Variants in BTBD9 observed in about 807,000 individuals in gnomAD.
BTBD9 encodes the protein BTB domain containing 9, also known as BTB/POZ domain-containing protein 9.
A neutral mutation model predicts 64.3 loss-of-function variants in BTBD9; 49 were observed. The ratio of observed to expected loss-of-function variants is 0.76; its 90% CI spans 0.61 to 0.97. BTBD9 has a LOEUF of 0.97. BTBD9 is among the 50% of genes least tolerant of loss of function. BTBD9 has a pLI of 0.00. For synonymous variants in BTBD9, 260 were observed against 274.7 expected (o/e 0.95, Z 0.53); for missense variants, 598 against 762.1 (o/e 0.78, Z 2.53).
At chr6:38,519,318 T>C (rs1773184431) in intron 6 of BTBD9, among the ~76,000 whole-genome samples, 1 of 152,222 alleles carries the variant, frequency 6.6e-6, no homozygotes, top group South Asian at 2.1e-4. Flanking sequence ...GTAAATTTTG[T>C]ATCAAAAGAA....
intron 8 of BTBD9, among the ~76,000 whole-genome samples, chr6:38,260,601 C>T (rs1296533826): frequency 6.6e-6 from 1 of 152,120 alleles, no homozygotes; most frequent in Non-Finnish European, 1.5e-5. Context: ...GGAGTGATAA[C>T]ATATTTGAGG....
intron 6 of BTBD9, among the ~76,000 whole-genome samples, chr6:38,500,722 TTTA>T (rs1359669171): frequency 6.6e-6 from 1 of 152,216 alleles, no homozygotes; most frequent in Non-Finnish European, 1.5e-5. Flanking sequence ...GCATGAATTC[TTTA>T]TGATACCTGG....
intron 7 of BTBD9, among the ~76,000 whole-genome samples, chr6:38,339,727 GC>G (rs758714311): frequency 6.6e-6 from 1 of 152,136 alleles, no homozygotes. Flanking sequence ...TAGCTCTTTT[GC>G]AGGTTTGATT....
At chr6:38,636,505 C>A (rs2127537233) in intron 1 of BTBD9, among the ~76,000 whole-genome samples, 1 of 152,320 alleles carries the variant, frequency 6.6e-6, no homozygotes, top group Middle Eastern at 3.4e-3. Flanking sequence ...CATAAGCAAA[C>A]AGTTGCTCAA....
intron 6 of BTBD9, among the ~76,000 whole-genome samples, chr6:38,457,298 C>T (rs1366906336): frequency 6.6e-6 from 1 of 152,120 alleles, no homozygotes; most frequent in Non-Finnish European, 1.5e-5. Context: ...CTGGCTGCCA[C>T]ATAAATACTT....
chr6:38,390,162 T>C (rs58377541), intron 6 of BTBD9, among the ~76,000 whole-genome samples: 2,191 of 152,274 alleles, frequency 0.014, 57 homozygotes, highest in African/African-American at 0.05. Context: ...GATGTAGAGA[T>C]ACTTCCAAAG....
chr6:38,328,404 A>G (rs1243783465), intron 7 of BTBD9, among the ~76,000 whole-genome samples: 1 of 152,204 alleles, frequency 6.6e-6, no homozygotes, highest in Non-Finnish European at 1.5e-5. Context: ...GGCCACTCAG[A>G]CAGAGGAAGG....
chr6:38,563,970 G>C (rs1479759384), intron 6 of BTBD9, among the ~76,000 whole-genome samples: 1 of 151,672 alleles, frequency 6.6e-6, no homozygotes, highest in African/African-American at 2.4e-5. Context: ...TTTTAGTAGA[G>C]ACGGGGTTTC....
chr6:38,490,135 T>C (rs557704778), intron 6 of BTBD9, among the ~76,000 whole-genome samples: 1 of 152,212 alleles, frequency 6.6e-6, no homozygotes, highest in Admixed American at 6.5e-5. Context: ...GTTGGCCAGA[T>C]GGAAGGAATG....
At chr6:38,455,520 G>A (rs1392795390) in intron 6 of BTBD9, among the ~76,000 whole-genome samples, 1 of 152,150 alleles carries the variant, frequency 6.6e-6, no homozygotes, top group Non-Finnish European at 1.5e-5. Flanking sequence ...ACAGTATGTA[G>A]CCTTTTGAAT....
chr6:38,274,287 A>G (rs1030830474), intron 8 of BTBD9, among the ~76,000 whole-genome samples: 32 of 152,224 alleles, frequency 2.1e-4, no homozygotes, highest in Admixed American at 2.1e-3. Flanking sequence ...GGGCTGAGAC[A>G]ATGGGATTTT....
chr6:38,169,788 A>G lies in BTBD9; in HGVS notation c.*5197T>C, dbSNP rs1766678164. On this transcript the variant is annotated 3_prime_UTR_variant, in exon 11 of 11. Transcript: ENST00000481247. ...CTCCCCCCCGCCCATTCAGGGCTATAAATACTCACGGACGCAAATGGTAAA... is the reference window on the plus strand; with the variant it reads ...CTCCCCCCCGCCCATTCAGGGCTATGAATACTCACGGACGCAAATGGTAAA... 2 of 138,808 alleles carry G rather than the reference A, an allele frequency of 1.4e-5. No individual in the cohort carries two copies. The highest frequency in any genetic ancestry group is 5.4e-5 in the African/African-American group (2 of 37,204). The allele number at this position is 138,808 out of a possible 1,614,324, so 8.6% of individuals were successfully genotyped here.
At chr6:38,526,227 G>C (rs1355156807) in intron 6 of BTBD9, among the ~76,000 whole-genome samples, 1 of 152,224 alleles carries the variant, frequency 6.6e-6, no homozygotes, top group Non-Finnish European at 1.5e-5. Context: ...AAGTGGCCAA[G>C]GTACAGCTTG....
chr6:38,188,854 C>T (rs895083719), intron 10 of BTBD9, among the ~76,000 whole-genome samples: 1 of 152,182 alleles, frequency 6.6e-6, no homozygotes, highest in Non-Finnish European at 1.5e-5. Flanking sequence ...CACTGTCTCT[C>T]GCGAAGTGCA....
intron 7 of BTBD9, among the ~76,000 whole-genome samples, chr6:38,332,470 T>A (rs1718456020): frequency 6.6e-6 from 1 of 152,220 alleles, no homozygotes; most frequent in South Asian, 2.1e-4. Flanking sequence ...CATACTGGGA[T>A]CTAATTCAGA....
chr6:38,320,632 G>A, intron 7 of BTBD9, among the ~76,000 whole-genome samples: 1 of 152,098 alleles, frequency 6.6e-6, no homozygotes, highest in Non-Finnish European at 1.5e-5. Context: ...TTCTGTGACT[G>A]TTTCTCTACC....
At chr6:38,639,429 C>A (rs1312839749) in intron 1 of BTBD9, among the ~76,000 whole-genome samples, 5 of 152,152 alleles carry the variant, frequency 3.3e-5, no homozygotes. Context: ...AACCCCCACC[C>A]CGGGGTCCCG....
intron 6 of BTBD9, among the ~76,000 whole-genome samples, chr6:38,492,225 C>T (rs1771734571): frequency 6.6e-6 from 1 of 152,156 alleles, no homozygotes; most frequent in Admixed American, 6.5e-5. Context: ...CAACAGCACC[C>T]CTTCAGGACT....
intron 10 of BTBD9, among the ~76,000 whole-genome samples, chr6:38,186,312 G>A (rs2127479482): frequency 6.6e-6 from 1 of 152,278 alleles, no homozygotes; most frequent in Middle Eastern, 3.4e-3. Context: ...CACACAGTAA[G>A]TGCTCAGCAA....
Sources: allele counts gnomAD v4.1 joint callset (sites outside exome capture counted in the v4.1 genomes callset), GRCh38; gene constraint gnomAD v4.1.1; transcripts MANE v1.5; gene names NCBI Gene and HGNC (gene_info 2026-07-23, HGNC 2026-07-21).